Variants in USP4 observed in about 807,000 individuals in gnomAD.
USP4 encodes the protein ubiquitin carboxyl-terminal hydrolase 4.
Under a neutral mutation model 118.2 loss-of-function variants are expected in USP4, and 72 were observed. The ratio of observed to expected loss-of-function variants is 0.61; its 90% CI spans 0.50 to 0.74. The LOEUF is 0.74. Ranked by LOEUF, USP4 falls within the 30% of genes least tolerant of loss-of-function variation. The pLI, the probability that USP4 is intolerant of heterozygous loss-of-function variation, is 0.00. For missense variants in USP4, 1,037 were observed against 1,185.7 expected (o/e 0.87, Z 1.84); for synonymous variants, 415 against 440.4 (o/e 0.94, Z 0.72).
At chr3:49,298,194 G>C (rs555507512) in intron 12 of USP4, among the ~76,000 whole-genome samples, 123 of 152,352 alleles carry the variant, frequency 8.1e-4, no homozygotes, top group African/African-American at 2.8e-3. Flanking sequence ...CTGGCAGGAA[G>C]GGCGAGGAGT....
chr3:49,307,360 G>T (rs965056008), intron 8 of USP4, among the ~76,000 whole-genome samples: 1 of 150,378 alleles, frequency 6.6e-6, no homozygotes, highest in South Asian at 2.1e-4. Flanking sequence ...AGGTTGCTGT[G>T]AGCCAAGATT....
rs1033824123 is a variant in USP4 at position 49,277,942 on chromosome 3, G to C, written c.*351C>G. On this transcript the variant is annotated 3_prime_UTR_variant, in exon 22 of 22. Coordinates refer to ENST00000265560, the MANE Select transcript of USP4 (RefSeq NM_003363.4). ...CCAGGCGCTCAGGGCAGCCCTGCAG[G>C]TGGGGTGGGTCTCCAGGCTGCTCCA... 1 of 409,080 alleles carries C rather than the reference G, an allele frequency of 2.4e-6. No homozygotes were observed. The highest frequency in any genetic ancestry group is 4.3e-6 in the Non-Finnish European group (1 of 233,586). The allele number at this position is 409,080 out of a possible 1,614,324, so 25.3% of individuals were successfully genotyped here.
chr3:49,337,002 A>G (rs1258897977), intron 1 of USP4, among the ~76,000 whole-genome samples: 1 of 152,018 alleles, frequency 6.6e-6, no homozygotes, highest in Non-Finnish European at 1.5e-5. Flanking sequence ...TGTACACACA[A>G]GGCCAGGCGC....
chr3:49,331,544 C>A (rs1444542444), intron 2 of USP4, among the ~76,000 whole-genome samples: 1 of 152,038 alleles, frequency 6.6e-6, no homozygotes, highest in Non-Finnish European at 1.5e-5. Flanking sequence ...TAACTTGAAC[C>A]CGGGAAGCAG....
intron 2 of USP4, among the ~76,000 whole-genome samples, chr3:49,334,029 A>AAG (rs559675052): frequency 1.9e-3 from 286 of 152,276 alleles, no homozygotes; most frequent in Non-Finnish European, 3.0e-3. Context: ...CAAAAAAAAA[A>AAG]AGAAAGCTCC....
chr3:49,319,642 C>T (rs1174671188), intron 6 of USP4, among the ~76,000 whole-genome samples: 2 of 151,402 alleles, frequency 1.3e-5, no homozygotes, highest in Non-Finnish European at 2.9e-5. Context: ...GAGATGGAGT[C>T]TTGCTCTGTC....
At chr3:49,298,119 A>G (rs773822146) in intron 12 of USP4, among the ~76,000 whole-genome samples, 155 bp from the exon 13 acceptor site, 4 of 152,236 alleles carry the variant, frequency 2.6e-5, no homozygotes, top group Non-Finnish European at 5.9e-5. Flanking sequence ...GCTGAGGGCC[A>G]AGGCCCAAGG....
At chr3:49,294,745 C>T (rs1158975997) in intron 13 of USP4, 147 bp from the exon 14 acceptor site, 4 of 745,046 alleles carry the variant, frequency 5.4e-6, no homozygotes, top group African/African-American at 1.8e-5. Context: ...ATTGCCAAGA[C>T]GTTTCTAGAG....
chr3:49,285,004 C>T, intron 16 of USP4, 85 bp from the exon 17 acceptor site: 1 of 1,015,984 alleles, frequency 9.8e-7, no homozygotes, highest in Non-Finnish European at 1.5e-6. Context: ...AAGGACCACA[C>T]TCAGGCCACA....
At position 49,277,236 on chromosome 3, in the gene USP4, C is replaced by T. The variant is rs1343113996; in HGVS notation, c.*1057G>A. On this transcript the variant is annotated 3_prime_UTR_variant, in exon 22 of 22. Transcript: ENST00000265560. ...CCAACGGTCATCGCATGCGCGTGCC[C>T]CGCGCAGGCCCCAAACCCCCACGGA... 3.8e-6 allele frequency: 5 copies of T among 1,312,516 alleles called. No individual in the cohort carries two copies. Among genetic ancestry groups the T allele is most frequent in the East Asian group, 5.0e-5 (1 of 19,866 alleles). 81.3% of individuals were successfully genotyped at this position (1,312,516 alleles called of 1,614,324 possible). A position where few individuals can be genotyped will look rare whatever the true frequency, so the allele number is the denominator to read the frequency against.
intron 2 of USP4, among the ~76,000 whole-genome samples, chr3:49,329,983 T>C (rs1001596202): frequency 6.6e-6 from 1 of 151,684 alleles, no homozygotes; most frequent in African/African-American, 2.4e-5. Context: ...CTACTAAAAA[T>C]ACAAAAATTA....
chr3:49,280,882 G>A (rs1228016112), intron 19 of USP4, 35 bp from the exon 20 acceptor site: 1 of 1,590,878 alleles, frequency 6.3e-7, no homozygotes. Flanking sequence ...TATTGAATAT[G>A]TTAAACCCAA....
intron 14 of USP4, 95 bp downstream of exon 14, chr3:49,294,312 T>C (rs2047180735): frequency 7.4e-7 from 1 of 1,344,292 alleles, no homozygotes; most frequent in Non-Finnish European, 1.0e-6. Flanking sequence ...GGTGAGCATG[T>C]AGGATCAACA....
chr3:49,284,889 C>G lies in USP4; in HGVS notation c.2231G>C (p.Ser744Thr). The part of the protein sequence containing the change: ...SRSTLAMDWD[S>T]ETRRLYYDEQ... ...ATCATAGTAAAGTCTCCGAGTTTCACTGTCCCAATCCATGGCCAGTGTAGA... is the reference window on the plus strand; with the variant it reads ...ATCATAGTAAAGTCTCCGAGTTTCAGTGTCCCAATCCATGGCCAGTGTAGA... Residue 744 changes from serine to threonine, a missense_variant, in exon 17 of 22, where the codon AGT (serine) becomes ACT (threonine). Around this residue, in one of 3 missense-constraint regions of USP4, gnomAD observed 522 missense variants for 592.6 expected, o/e 0.88. Coordinates refer to ENST00000265560, the MANE Select transcript of USP4 (RefSeq NM_003363.4). 1 of 1,613,730 alleles carries G rather than the reference C, an allele frequency of 6.2e-7. No homozygotes were observed. Among genetic ancestry groups the G allele is most frequent in the Non-Finnish European group, 8.5e-7 (1 of 1,179,836 alleles).
chr3:49,281,248 A>C (rs1373198996), intron 19 of USP4, among the ~76,000 whole-genome samples: 2 of 151,960 alleles, frequency 1.3e-5, no homozygotes, highest in Non-Finnish European at 2.9e-5. Flanking sequence ...CGAGATCAGA[A>C]GATTGAGACC....
chr3:49,294,406 C>A lies in USP4; in HGVS notation c.1883+1G>T. ...AACCAAATCACATTCCTGCCACCAA[C>A]CTGATACGATCACAAACAGCCTGGT... On this transcript the variant is annotated splice_donor_variant, in intron 14 of 21. Coordinates refer to ENST00000265560, the MANE Select transcript of USP4 (RefSeq NM_003363.4). LOFTEE classifies it high-confidence loss of function. 1 of 1,610,912 alleles carries A rather than the reference C, an allele frequency of 6.2e-7. No homozygotes were observed. The highest frequency in any genetic ancestry group is 8.5e-7 in the Non-Finnish European group (1 of 1,177,924).
chr3:49,283,511 G>C (rs181436813), intron 19 of USP4, among the ~76,000 whole-genome samples: 20 of 152,176 alleles, frequency 1.3e-4, no homozygotes, highest in East Asian at 7.7e-4. Flanking sequence ...CTGTACTGTG[G>C]GGCTTGAGAG....
chr3:49,325,395 G>A (rs1383237611), intron 4 of USP4, among the ~76,000 whole-genome samples: 1 of 151,858 alleles, frequency 6.6e-6, no homozygotes, highest in African/African-American at 2.4e-5. Context: ...TTGCTCTGAT[G>A]CCCAGGCTGC....
At chr3:49,299,309 C>T (rs747661853) in intron 11 of USP4, among the ~76,000 whole-genome samples, 2 of 150,582 alleles carry the variant, frequency 1.3e-5, no homozygotes, top group Admixed American at 1.3e-4. Context: ...AGGGTGGTCT[C>T]GAACTCCTGA....
Sources: gnomAD v4.1 joint callset for allele counts (sites outside exome capture counted in the v4.1 genomes callset) on GRCh38, gnomAD v4.1.1 for gene constraint, gnomAD v4.1.1 regional missense constraint, MANE v1.5 for transcripts, NCBI Gene and HGNC (gene_info 2026-07-23, HGNC 2026-07-21) for gene names.